The following CDK6 variants were observed in gnomAD, a reference collection of about 807,000 sequenced individuals.
CDK6 encodes the protein cyclin dependent kinase 6, also known as cyclin-dependent kinase 6.
CDK6 carries 6 observed loss-of-function variants against 37.1 expected under a neutral mutation model. The observed-to-expected ratio is 0.16, with a 90% confidence interval of 0.09 to 0.32. The LOEUF is 0.32. Among genes scored for constraint, CDK6 ranks in the 10% least tolerant of loss-of-function variants. CDK6 has a pLI of 1.00. For missense variants in CDK6, 224 were observed against 418.9 expected, an observed-to-expected ratio of 0.53 and a Z score of 4.06; for synonymous variants, 160 against 161.3, an observed-to-expected ratio of 0.99 and a Z score of 0.06.
In CDK6 at chr7:92,777,290, A is replaced by G. The variant is rs898261586; in HGVS notation, c.234-2459T>C. Among the ~76,000 whole-genome samples, 4 of 152,038 alleles carry G rather than the reference A, an allele frequency of 2.6e-5. No homozygotes were observed. In the East Asian group the frequency reaches 7.7e-4, roughly 29 times the overall value. On this transcript the variant is annotated intron_variant, in intron 2 of 7. Transcript: ENST00000424848. ...CTCTTGTTGCCCAGGCTGGAGTGCA[A>G]TGGCACATCTTGGCTCACCACAACC...
At chr7:92,817,065 A>C (rs1219402514) in intron 2 of CDK6, among the ~76,000 whole-genome samples, 1 of 152,026 alleles carries the variant, frequency 6.6e-6, no homozygotes, top group Non-Finnish European at 1.5e-5. Flanking sequence ...CCTACTCAAA[A>C]ATAAATGCTA....
At chr7:92,774,925 GA>G in intron 2 of CDK6, 94 bp from the exon 3 acceptor site, 40 of 1,125,150 alleles carry the variant, frequency 3.6e-5, no homozygotes, top group Non-Finnish European at 3.7e-5. Context: ...TCTCATAATA[GA>G]AAAAAAAGGC....
intron 4 of CDK6, among the ~76,000 whole-genome samples, chr7:92,700,659 C>T (rs965775918): frequency 6.6e-5 from 10 of 152,144 alleles, no homozygotes; most frequent in Admixed American, 5.2e-4. Context: ...TTCCCTGCCT[C>T]CAGGATTACC....
Position 92,637,946 on chromosome 7 carries a change from T to C in CDK6, c.648-14860A>G, listed in dbSNP as rs149480445. Among the ~76,000 whole-genome samples, 826 of 152,254 alleles carry C rather than the reference T, an allele frequency of 5.4e-3. 3 individuals are homozygous for C. The highest frequency in any genetic ancestry group is 0.014 in the Middle Eastern group (4 of 294). On this transcript the variant is annotated intron_variant, in intron 5 of 7. Transcript: ENST00000424848. The stretch of plus-strand genomic sequence containing the variant: ...TGTTCATTTATCCCATCTAATTAAG[T>C]AGGGCCCTTTAAAGCTTACAAAGCA...
At chr7:92,806,805 C>T (rs955803492) in intron 2 of CDK6, among the ~76,000 whole-genome samples, 24 of 152,276 alleles carry the variant, frequency 1.6e-4, no homozygotes, top group African/African-American at 5.3e-4. Flanking sequence ...TGAGCCTTTA[C>T]CTGCGCTTCA....
intron 4 of CDK6, among the ~76,000 whole-genome samples, chr7:92,690,071 G>C (rs1351395058): frequency 6.6e-6 from 1 of 152,044 alleles, no homozygotes; most frequent in Non-Finnish European, 1.5e-5. Flanking sequence ...TCTGTAGGCT[G>C]TTTACTCAAA....
At chr7:92,724,473 T>A (rs962950851) in intron 4 of CDK6, among the ~76,000 whole-genome samples, 8 of 152,288 alleles carry the variant, frequency 5.3e-5, no homozygotes, top group Middle Eastern at 3.4e-3. Flanking sequence ...AGCACCCCTA[T>A]TTTGACTGGG....
intron 4 of CDK6, among the ~76,000 whole-genome samples, chr7:92,720,776 C>T (rs1302518248): frequency 6.6e-6 from 1 of 152,080 alleles, no homozygotes; most frequent in Non-Finnish European, 1.5e-5. Context: ...ATAAGTTGCA[C>T]CATGCACTAC....
rs1261410936 is a variant in CDK6 at position 92,650,608 on chromosome 7, A to G, written c.647+20818T>C. ...TCTGTTAGAGTTGTACAAAGCTGAC[A>G]TCAAGGTGTCGGCAGAGCTGTGTTC... On this transcript the variant is annotated intron_variant, in intron 5 of 7. Coordinates refer to ENST00000424848, the MANE Select transcript of CDK6 (RefSeq NM_001145306.2). 2.0e-5 allele frequency among the ~76,000 whole-genome samples: 3 copies of G among 152,210 alleles called. No homozygotes were observed. The East Asian group carries it at 5.8e-4, about 29-fold the overall frequency.
intron 3 of CDK6, among the ~76,000 whole-genome samples, chr7:92,734,466 T>G (rs1487065504): frequency 1.3e-5 from 2 of 152,206 alleles, no homozygotes; most frequent in African/African-American, 4.8e-5. Context: ...ATTTCTGCCA[T>G]CTTTACTCAT....
At chr7:92,670,622 G>C (rs1047688623) in intron 5 of CDK6, among the ~76,000 whole-genome samples, 1 of 152,112 alleles carries the variant, frequency 6.6e-6, no homozygotes, top group African/African-American at 2.4e-5. Context: ...TATATTATTT[G>C]GCTATTTCTT....
chr7:92,644,421 G>C (rs953603047), intron 5 of CDK6, among the ~76,000 whole-genome samples: 4 of 152,138 alleles, frequency 2.6e-5, no homozygotes, highest in African/African-American at 9.7e-5. Context: ...AAATAAAAAT[G>C]GCTGTGTACT....
At chr7:92,645,504 T>C (rs1423061099) in intron 5 of CDK6, among the ~76,000 whole-genome samples, 4 of 152,230 alleles carry the variant, frequency 2.6e-5, no homozygotes, top group African/African-American at 9.6e-5. Flanking sequence ...CAAGCAGCAT[T>C]AGAAACCATG....
intron 5 of CDK6, among the ~76,000 whole-genome samples, chr7:92,660,071 T>A (rs1317920786): frequency 6.6e-6 from 1 of 152,174 alleles, no homozygotes; most frequent in Non-Finnish European, 1.5e-5. Context: ...AGACGCTAAG[T>A]TCCAGAGGTT....
chr7:92,630,373 TG>T lies in CDK6; in HGVS notation c.648-7288del, dbSNP rs1369514113. Among the ~76,000 whole-genome samples, 15 of 152,022 alleles carry T rather than the reference TG, an allele frequency of 9.9e-5. No individual in the cohort carries two copies. The South Asian group carries it at 1.7e-3, about 17-fold the overall frequency. On this transcript the variant is annotated intron_variant, in intron 5 of 7. Coordinates refer to ENST00000424848, the MANE Select transcript of CDK6 (RefSeq NM_001145306.2). ...CACTGTTCAGGGGGATTCTTAAGGCTGGGAAAGAAATGATGATGTATTTAGC... is the reference window on the plus strand; with the variant it reads ...CACTGTTCAGGGGGATTCTTAAGGCTGGAAAGAAATGATGATGTATTTAGC...
In CDK6 at chr7:92,608,871, A is replaced by G. The variant is rs965441777; in HGVS notation, c.*6269T>C. 5.2e-5 allele frequency: 12 copies of G among 232,082 alleles called. No homozygotes were observed. The highest frequency in any genetic ancestry group is 2.7e-4 in the African/African-American group (12 of 45,248). 14.4% of individuals were successfully genotyped at this position (232,082 alleles called of 1,614,324 possible). ...CTCGCCCACTGCCTCTCTCCTGCCA[A>G]AGGGGCGGGGCAACGAGGCAGCGCG... On this transcript the variant is annotated 3_prime_UTR_variant, in exon 8 of 8. Coordinates refer to ENST00000424848, the MANE Select transcript of CDK6 (RefSeq NM_001145306.2).
chr7:92,661,508 T>C (rs1348583864), intron 5 of CDK6, among the ~76,000 whole-genome samples: 1 of 152,148 alleles, frequency 6.6e-6, no homozygotes, highest in Non-Finnish European at 1.5e-5. Flanking sequence ...ATATTTGGTA[T>C]GTTGTATGTA....
intron 2 of CDK6, among the ~76,000 whole-genome samples, chr7:92,790,997 A>C (rs558286421): frequency 3.3e-5 from 5 of 152,168 alleles, no homozygotes; most frequent in Non-Finnish European, 7.3e-5. Flanking sequence ...CAATCTGATG[A>C]CATGGGTAAG....
chr7:92,730,789 G>T (rs1562949612), intron 3 of CDK6, among the ~76,000 whole-genome samples: 2 of 152,072 alleles, frequency 1.3e-5, no homozygotes, highest in Admixed American at 1.3e-4. Flanking sequence ...TCCATAGATG[G>T]GCACCTCAGT....
Sources: allele counts gnomAD v4.1 joint callset (sites outside exome capture counted in the v4.1 genomes callset), GRCh38; gene constraint gnomAD v4.1.1; transcripts MANE v1.5; gene names NCBI Gene and HGNC (gene_info 2026-07-23, HGNC 2026-07-21).